TENM3: variants seen among roughly 807,000 people sequenced by gnomAD.
TENM3 encodes the protein teneurin transmembrane protein 3, also known as teneurin-3.
A neutral mutation model predicts 255.1 loss-of-function variants in TENM3; 63 were observed. The ratio of observed to expected loss-of-function variants is 0.25; its 90% CI spans 0.20 to 0.30. TENM3 has a LOEUF of 0.30. Among genes scored for constraint, TENM3 ranks in the 10% least tolerant of loss-of-function variants. TENM3 has a pLI of 1.00. For synonymous variants in TENM3, 1,306 were observed against 1,322.3 expected, an observed-to-expected ratio of 0.99 and a Z score of 0.27; for missense variants, 2,929 against 3,461.1, an observed-to-expected ratio of 0.85 and a Z score of 3.86.
intron 4 of TENM3, among the ~76,000 whole-genome samples, chr4:182,617,012 T>C (rs1749608658): frequency 6.6e-6 from 1 of 152,246 alleles, no homozygotes; most frequent in African/African-American, 2.4e-5. Context: ...TTGCTAAATA[T>C]ACATTTCACA....
chr4:181,849,385 A>AT, the TENM3 span, among the ~76,000 whole-genome samples: 1 of 152,214 alleles, frequency 6.6e-6, no homozygotes, highest in Non-Finnish European at 1.5e-5. Context: ...GCAAGCTTTC[A>AT]TAAAATTATA....
chr4:181,711,448 C>T, the TENM3 span, among the ~76,000 whole-genome samples: 1 of 152,178 alleles, frequency 6.6e-6, no homozygotes, highest in African/African-American at 2.4e-5. Context: ...TTGAGATCTG[C>T]TTCAGTTCTT....
At chr4:181,823,754 T>TAACA in the TENM3 span, among the ~76,000 whole-genome samples, 1 of 152,138 alleles carries the variant, frequency 6.6e-6, no homozygotes, top group African/African-American at 2.4e-5. Context: ...TCTGGAAATG[T>TAACA]AACAACAAAT....
At chr4:182,222,893 G>A (rs768688828) in intron 1 of TENM3, among the ~76,000 whole-genome samples, 38 of 152,144 alleles carry the variant, frequency 2.5e-4, no homozygotes, top group Non-Finnish European at 4.3e-4. Flanking sequence ...GTCCTATCCC[G>A]TTGTAAGACA....
chr4:182,135,133 G>A, the TENM3 span, among the ~76,000 whole-genome samples: 1 of 146,850 alleles, frequency 6.8e-6, no homozygotes, highest in Non-Finnish European at 1.5e-5. Flanking sequence ...TGGAACCCGG[G>A]AGGCGGACGT....
At chr4:181,594,007 T>TTTTTA in the TENM3 span, among the ~76,000 whole-genome samples, 1 of 150,172 alleles carries the variant, frequency 6.7e-6, no homozygotes, top group Non-Finnish European at 1.5e-5. Context: ...TTTTTTTTTT[T>TTTTTA]ATAATGAAAT....
intron 1 of TENM3, among the ~76,000 whole-genome samples, chr4:182,200,917 C>T (rs188558673): frequency 3.3e-5 from 5 of 151,892 alleles, no homozygotes; most frequent in Admixed American, 2.0e-4. Context: ...CTCCACCTCC[C>T]GGGTTCCAGT....
chr4:181,807,002 CT>C, the TENM3 span, among the ~76,000 whole-genome samples: 1 of 151,938 alleles, frequency 6.6e-6, no homozygotes. Flanking sequence ...TCACTCTTAA[CT>C]TTCATTCACC....
the TENM3 span, among the ~76,000 whole-genome samples, chr4:181,825,554 T>A: frequency 1.2e-3 from 188 of 152,190 alleles, 3 homozygotes; most frequent in East Asian, 0.033. Context: ...CAAATTGTAG[T>A]CCCACTGAAG....
chr4:181,594,583 ACTGT>A, the TENM3 span, among the ~76,000 whole-genome samples: 137 of 152,172 alleles, frequency 9.0e-4, no homozygotes, highest in Non-Finnish European at 1.0e-3. Context: ...AGAACTCCAA[ACTGT>A]CTGCTGGGTC....
the TENM3 span, among the ~76,000 whole-genome samples, chr4:182,120,821 G>A: frequency 6.6e-6 from 1 of 152,018 alleles, no homozygotes; most frequent in Non-Finnish European, 1.5e-5. Flanking sequence ...GATTCCTGAG[G>A]TGTTATAAAA....
Position 182,702,539 on chromosome 4 carries a change from A to G in TENM3, c.2222-11548A>G, listed in dbSNP as rs576236355. Among the ~76,000 whole-genome samples the G allele has an allele frequency of 1.9e-3, 283 of 152,306 alleles. 1 individual carries two copies. Among genetic ancestry groups the G allele is most frequent in the African/African-American group, 6.5e-3 (270 of 41,558 alleles). Reference sequence around the variant, plus strand: ...GATGAATCAATAATATTTAATATGTATTGAGCATTTACTACTTGCTAAGGC... The same window carrying G: ...GATGAATCAATAATATTTAATATGTGTTGAGCATTTACTACTTGCTAAGGC... On this transcript the variant is annotated intron_variant, in intron 12 of 27. Transcript: ENST00000511685.
At chr4:182,067,430 C>CATT in the TENM3 span, among the ~76,000 whole-genome samples, 2 of 152,142 alleles carry the variant, frequency 1.3e-5, no homozygotes, top group Admixed American at 6.5e-5. Context: ...GCTACAAAGA[C>CATT]ATTACTGCGT....
chr4:182,610,275 T>C (rs1748867871), intron 4 of TENM3, among the ~76,000 whole-genome samples: 1 of 152,216 alleles, frequency 6.6e-6, no homozygotes, highest in African/African-American at 2.4e-5. Flanking sequence ...CAGGAAATAT[T>C]GGTTAGTCTT....
chr4:182,473,326 T>A (rs1305029561), intron 3 of TENM3, among the ~76,000 whole-genome samples: 1 of 152,182 alleles, frequency 6.6e-6, no homozygotes, highest in Non-Finnish European at 1.5e-5. Flanking sequence ...ACTGTTATAA[T>A]CTGTACACAC....
chr4:181,491,234 G>A, the TENM3 span, among the ~76,000 whole-genome samples: 4 of 151,802 alleles, frequency 2.6e-5, no homozygotes, highest in Admixed American at 6.6e-5. Flanking sequence ...TAAAATTAAA[G>A]TTTACAATTT....
intron 1 of TENM3, among the ~76,000 whole-genome samples, chr4:182,173,784 G>A (rs532591867): frequency 3.9e-5 from 6 of 152,326 alleles, no homozygotes; most frequent in Middle Eastern, 3.4e-3. Flanking sequence ...AAATCCAGCA[G>A]CGAAAGGAAG....
chr4:182,774,874 A>C lies in TENM3; in HGVS notation c.5069-44A>C. 2.1e-6 allele frequency: 3 copies of C among 1,414,096 alleles called. 1 individual carries two copies. The highest frequency in any genetic ancestry group is 1.2e-5 in the South Asian group (1 of 81,894). 87.6% of individuals were successfully genotyped at this position (1,414,096 alleles called of 1,614,324 possible). On this transcript the variant is annotated intron_variant, in intron 23 of 27. Coordinates refer to ENST00000511685, the MANE Select transcript of TENM3 (RefSeq NM_001080477.4). Reference sequence around the variant, plus strand: ...TCACGGCACAACCGGCCAAGTATTTAATCCATATCTAATAGTTCATGTTTT... The same window carrying C: ...TCACGGCACAACCGGCCAAGTATTTCATCCATATCTAATAGTTCATGTTTT...
At chr4:182,197,359 G>A (rs1561188379) in intron 1 of TENM3, among the ~76,000 whole-genome samples, 1 of 152,204 alleles carries the variant, frequency 6.6e-6, no homozygotes, top group Non-Finnish European at 1.5e-5. Context: ...GGAGGGATGT[G>A]AGATAGGGAA....
Sources: gnomAD v4.1 joint callset for allele counts (sites outside exome capture counted in the v4.1 genomes callset) on GRCh38, gnomAD v4.1.1 for gene constraint, MANE v1.5 for transcripts, NCBI Gene and HGNC (gene_info 2026-07-23, HGNC 2026-07-21) for gene names.